RARB: variants seen among roughly 807,000 people sequenced by gnomAD.
The protein encoded by RARB is retinoic acid receptor beta.
RARB carries 17 observed loss-of-function variants against 51.9 expected under a neutral mutation model. The observed-to-expected ratio is 0.33, with a 90% CI of 0.22 to 0.49. The LOEUF (loss-of-function observed/expected upper bound fraction) is 0.49. Among genes scored for constraint, RARB ranks in the 20% least tolerant of loss-of-function variants. The probability of loss-of-function intolerance (pLI) is 0.99; values close to 1 mark genes in which losing one functional copy is unlikely to be tolerated. For missense variants in RARB, 369 were observed against 550.8 expected (o/e 0.67, Z 3.30); for synonymous variants, 215 against 195.4 (o/e 1.10, Z -0.84).
chr3:25,230,164 C>A (rs569985552), intron 5 of RARB, among the ~76,000 whole-genome samples: 1 of 152,214 alleles, frequency 6.6e-6, no homozygotes, highest in East Asian at 1.9e-4. Context: ...TATATAGAAA[C>A]ACATTCTAAA....
chr3:25,467,798 T>G (rs970787902), intron 2 of RARB, among the ~76,000 whole-genome samples: 1 of 152,214 alleles, frequency 6.6e-6, no homozygotes, highest in African/African-American at 2.4e-5. Flanking sequence ...CATTCATCCT[T>G]AAGCATATGT....
At chr3:25,142,543 C>T (rs1414507054) in intron 4 of RARB, among the ~76,000 whole-genome samples, 1 of 152,054 alleles carries the variant, frequency 6.6e-6, no homozygotes, top group Non-Finnish European at 1.5e-5. Flanking sequence ...ATGTCCTTCC[C>T]TCTCCCACTA....
intron 5 of RARB, among the ~76,000 whole-genome samples, chr3:25,259,560 G>A (rs1702947820): frequency 6.6e-6 from 1 of 152,098 alleles, no homozygotes; most frequent in South Asian, 2.1e-4. Flanking sequence ...GCAGAGCATT[G>A]CAGTTCTTCC....
At chr3:25,020,066 C>T (rs1424919640) in intron 2 of RARB, 1 of 151,084 alleles carries the variant, frequency 6.6e-6, no homozygotes, top group Non-Finnish European at 1.5e-5. Flanking sequence ...CCAAAACAAG[C>T]CCTCAGAATA....
intron 5 of RARB, among the ~76,000 whole-genome samples, chr3:25,176,928 C>T (rs1003328710): frequency 3.9e-5 from 6 of 152,042 alleles, no homozygotes; most frequent in African/African-American, 7.3e-5. Context: ...CTTTGAAAAG[C>T]GAGGGTTTGA....
At chr3:24,949,139 G>A (rs6798808) in intron 2 of RARB, among the ~76,000 whole-genome samples, 3 of 152,094 alleles carry the variant, frequency 2.0e-5, no homozygotes, top group Admixed American at 6.5e-5. Context: ...CTTGGGAAAC[G>A]TCACTGCACT....
intron 3 of RARB, among the ~76,000 whole-genome samples, chr3:25,508,308 A>G (rs1697712827): frequency 6.6e-6 from 1 of 152,170 alleles, no homozygotes; most frequent in Admixed American, 6.5e-5. Flanking sequence ...GGTCGATTGG[A>G]TGGAATGAAT....
intron 5 of RARB, among the ~76,000 whole-genome samples, chr3:25,243,786 CTCTT>C (rs1321700103): frequency 6.6e-6 from 1 of 152,114 alleles, no homozygotes. Flanking sequence ...TCTGTTGTGT[CTCTT>C]TCAGGTTTTG....
intron 3 of RARB, among the ~76,000 whole-genome samples, chr3:25,084,677 A>T (rs564248457): frequency 2.0e-5 from 3 of 151,922 alleles, no homozygotes; most frequent in East Asian, 1.9e-4. Context: ...AATGAAGGAT[A>T]ATGTTTTGAT....
chr3:24,946,070 C>A (rs887367255), intron 2 of RARB, among the ~76,000 whole-genome samples: 11 of 151,926 alleles, frequency 7.2e-5, no homozygotes, highest in Admixed American at 7.2e-4. Flanking sequence ...TCGAGATCAT[C>A]CTGGCTAACA....
intron 4 of RARB, among the ~76,000 whole-genome samples, chr3:25,135,510 A>G (rs1197599167): frequency 2.0e-5 from 3 of 151,956 alleles, no homozygotes; most frequent in Non-Finnish European, 2.9e-5. Flanking sequence ...TTATGCTACA[A>G]AATATTATGT....
At chr3:25,347,820 C>T (rs1273851141) in intron 5 of RARB, among the ~76,000 whole-genome samples, 1 of 152,184 alleles carries the variant, frequency 6.6e-6, no homozygotes, top group African/African-American at 2.4e-5. Flanking sequence ...CTGCAAGACA[C>T]ATGGCAAATC....
intron 5 of RARB, among the ~76,000 whole-genome samples, chr3:25,247,779 G>A (rs554986342): frequency 9.8e-5 from 15 of 152,324 alleles, no homozygotes; most frequent in East Asian, 5.8e-4. Flanking sequence ...CATCTTGCCC[G>A]GGAATCATTT....
intron 5 of RARB, among the ~76,000 whole-genome samples, chr3:25,317,387 A>G (rs1480904894): frequency 6.6e-6 from 1 of 152,182 alleles, no homozygotes; most frequent in African/African-American, 2.4e-5. Flanking sequence ...AGAATTAACT[A>G]TGCCAGTTCT....
chr3:25,513,137 AG>A (rs1323787044), intron 3 of RARB, among the ~76,000 whole-genome samples: 6 of 149,828 alleles, frequency 4.0e-5, no homozygotes, highest in Non-Finnish European at 8.9e-5. Context: ...AAAAAAAAAA[AG>A]TAGCCAGATG....
At chr3:25,500,302 T>C (rs1697230269) in intron 2 of RARB, among the ~76,000 whole-genome samples, 1 of 152,178 alleles carries the variant, frequency 6.6e-6, no homozygotes, top group African/African-American at 2.4e-5. Context: ...GGGCAGACAC[T>C]CATTTTTATT....
At chr3:25,574,605 C>G (rs116208621) in intron 4 of RARB, among the ~76,000 whole-genome samples, 1 of 152,218 alleles carries the variant, frequency 6.6e-6, no homozygotes, top group Non-Finnish European at 1.5e-5. Context: ...GTGTGCGGGC[C>G]GCTCATCACC....
intron 2 of RARB, among the ~76,000 whole-genome samples, chr3:25,489,480 GA>G (rs1191447531): frequency 6.6e-6 from 1 of 151,940 alleles, no homozygotes; most frequent in Non-Finnish European, 1.5e-5. Flanking sequence ...CTTCTACATG[GA>G]ATATCCATAT....
At chr3:25,147,824 C>A (rs1700219007) in intron 4 of RARB, among the ~76,000 whole-genome samples, 1 of 152,200 alleles carries the variant, frequency 6.6e-6, no homozygotes, top group South Asian at 2.1e-4. Flanking sequence ...AAGCTGAAAC[C>A]TGCACCATCC....
Sources: allele counts gnomAD v4.1 joint callset (sites outside exome capture counted in the v4.1 genomes callset), GRCh38; gene constraint gnomAD v4.1.1; transcripts MANE v1.5; gene names NCBI Gene and HGNC (gene_info 2026-07-23, HGNC 2026-07-21).